Variants in GNLY observed in about 807,000 individuals in gnomAD.
GNLY encodes T-cell activation protein 519.
GNLY carries 15 observed loss-of-function variants against 18.5 expected under a neutral mutation model. The ratio of observed to expected loss-of-function variants is 0.81; its 90% CI spans 0.54 to 1.25. The LOEUF is 1.25. Ranked by LOEUF, GNLY falls within the 50% of genes most tolerant of loss-of-function variation. The pLI, the probability that GNLY is intolerant of heterozygous loss-of-function variation, is 0.00. For synonymous variants in GNLY, 77 were observed against 74.9 expected (o/e 1.03, Z -0.14); for missense variants, 178 against 186.9 (o/e 0.95, Z 0.28).
intron 3 of GNLY, 146 bp from the exon 4 acceptor site, chr2:85,697,360 T>TC (rs1326156907): frequency 1.4e-6 from 1 of 704,540 alleles, no homozygotes; most frequent in Non-Finnish European, 2.5e-6. Context: ...CTGAGCCCCG[T>TC]CTGTACAGTC....
Position 85,695,990 on chromosome 2 carries a change from C to T in GNLY, c.189C>T (p.Gly63=). ...TGTTGACCAAAACACAGGAGCTGGG[C>T]CGTGACTACAGGACCTGTCTGACGA... The part of the protein sequence containing the change: ...GDLLTKTQEL[G]RDYRTCLTIV... The change falls in exon 3 of 5, where the codon GGC becomes GGT. Residue 63 remains glycine, a synonymous_variant. Transcript: ENST00000263863. 3 of 1,611,410 alleles carry T rather than the reference C, an allele frequency of 1.9e-6. No homozygotes were observed. Among genetic ancestry groups the T allele is most frequent in the Non-Finnish European group, 2.5e-6 (3 of 1,177,622 alleles).
At position 85,695,872 on chromosome 2, in the gene GNLY, G is replaced by C. The variant is rs1678423729; in HGVS notation, c.157-86G>C. ...ATCACGGACATTCCTGCCGGCCTCAGAAACACAAAGGGCCCCTTTCCTGGG... is the reference window on the plus strand; with the variant it reads ...ATCACGGACATTCCTGCCGGCCTCACAAACACAAAGGGCCCCTTTCCTGGG... On this transcript the variant is annotated intron_variant, in intron 2 of 4. Coordinates refer to ENST00000263863, the MANE Select transcript of GNLY (RefSeq NM_006433.5). 11 of 745,736 alleles carry C rather than the reference G, an allele frequency of 1.5e-5. 1 individual carries two copies. The South Asian group carries it at 1.8e-4, about 12-fold the overall frequency. The allele number at this position is 745,736 out of a possible 1,614,324, so 46.2% of individuals were successfully genotyped here.
At chr2:85,698,370 A>G (rs1158009354) in intron 4 of GNLY, 194 bp from the exon 5 acceptor site, 1 of 853,102 alleles carries the variant, frequency 1.2e-6, no homozygotes, top group African/African-American at 1.7e-5. Context: ...ATTTCCTGTC[A>G]TTGGAGCTTG....
intron 3 of GNLY, chr2:85,697,262 G>C (rs1223439592): frequency 2.0e-6 from 1 of 498,616 alleles, no homozygotes; most frequent in African/African-American, 1.9e-5. Context: ...TGCACAAGGC[G>C]CTGAGACCCC....
chr2:85,698,609 C>T lies in GNLY; in HGVS notation c.*35C>T. ...CCTTGTCCTGTGGAAGAAGCACAGG[C>T]TCCTGTCCTCAGATCCCGGGAACCT... is the stretch of plus-strand genomic sequence containing the variant. On this transcript the variant is annotated 3_prime_UTR_variant, in exon 5 of 5. Coordinates refer to ENST00000263863, the MANE Select transcript of GNLY (RefSeq NM_006433.5). 6.2e-7 allele frequency: 1 copy of T among 1,613,692 alleles called. No individual in the cohort carries two copies. Among genetic ancestry groups the T allele is most frequent in the Non-Finnish European group, 8.5e-7 (1 of 1,179,778 alleles).
At position 85,694,448 on chromosome 2, in the gene GNLY, A is replaced by T; in HGVS notation, c.30A>T (p.Ala10=). The part of the protein sequence containing the change: MATWALLLL[A]AMLLGNPGLV... Reference sequence around the variant, plus strand: ...CTACCTGGGCCCTCCTGCTCCTTGCAGCCATGCTCCTGGGCAACCCAGGTA... The same window carrying T: ...CTACCTGGGCCCTCCTGCTCCTTGCTGCCATGCTCCTGGGCAACCCAGGTA... The change falls in exon 1 of 5, where the codon GCA becomes GCT. Residue 10 remains alanine, a synonymous_variant. Transcript: ENST00000263863. 6.8e-6 allele frequency: 11 copies of T among 1,614,066 alleles called. No homozygotes were observed. Among genetic ancestry groups the T allele is most frequent in the Non-Finnish European group, 9.3e-6 (11 of 1,179,980 alleles).
At chr2:85,697,047 G>A (rs771347611) in intron 3 of GNLY, 5 of 163,258 alleles carry the variant, frequency 3.1e-5, no homozygotes, top group African/African-American at 4.8e-5. Flanking sequence ...CTCCTCCCCT[G>A]GGATGGCATA....
chr2:85,695,497 G>A (rs914995267), intron 2 of GNLY, 74 bp downstream of exon 2: 2 of 858,076 alleles, frequency 2.3e-6, no homozygotes, highest in African/African-American at 3.3e-5. Flanking sequence ...CTGGGGTGAG[G>A]TCTGGAGCTC....
At chr2:85,694,698 G>T in intron 1 of GNLY, 2 of 1,404,312 alleles carry the variant, frequency 1.4e-6, no homozygotes, top group Non-Finnish European at 1.9e-6. Context: ...AGGGATTCTG[G>T]TCCTAACTCT....
At chr2:85,698,427 G>A in intron 4 of GNLY, 137 bp from the exon 5 acceptor site, 1 of 1,457,262 alleles carries the variant, frequency 6.9e-7, no homozygotes. Context: ...CTGCCGACTG[G>A]CTTCCAGGAT....
chr2:85,696,064 C>T lies in GNLY; in HGVS notation c.255+8C>T, dbSNP rs187039953. ...GTGGATAAGCCCACCCAGGTGAGGC[C>T]AAGGGGCTACAGAGCCTCCTGTCTG... On this transcript the variant is annotated splice_region_variant and intron_variant, in intron 3 of 4. Transcript: ENST00000263863. The T allele has an allele frequency of 2.0e-4, 293 of 1,481,770 alleles. No homozygotes were observed. In the African/African-American group the frequency reaches 3.3e-3, roughly 16 times the overall value. 91.8% of individuals were successfully genotyped at this position (1,481,770 alleles called of 1,614,324 possible). A position where few individuals can be genotyped will look rare whatever the true frequency, so the allele number is the denominator to read the frequency against.
At position 85,694,440 on chromosome 2, in the gene GNLY, C is replaced by T; in HGVS notation, c.22C>T (p.Leu8Phe). 3 of 1,614,136 alleles carry T rather than the reference C, an allele frequency of 1.9e-6. No individual in the cohort carries two copies. Among genetic ancestry groups the T allele is most frequent in the Non-Finnish European group, 2.5e-6 (3 of 1,179,994 alleles). The stretch of plus-strand genomic sequence containing the variant: ...CACCATGGCTACCTGGGCCCTCCTG[C>T]TCCTTGCAGCCATGCTCCTGGGCAA... MATWALL[L>F]LAAMLLGNPG... The change falls in exon 1 of 5, where the codon CTC becomes TTC. Residue 8 changes from leucine (L) to phenylalanine (F), a missense_variant. Coordinates refer to ENST00000263863, the MANE Select transcript of GNLY (RefSeq NM_006433.5).
chr2:85,698,544 GGCTGTTCTC>G lies in GNLY; in HGVS notation c.428-19_428-11del. On this transcript the variant is annotated splice_polypyrimidine_tract_variant and intron_variant, in intron 4 of 4. Transcript: ENST00000263863. ...GGACCCACCACATCTGCCCACAGCT[GGCTGTTCTC>G]TCCTCTCCAGGTCCCCTCTGAGCCC... 6.2e-7 allele frequency: 1 copy of G among 1,612,494 alleles called. No homozygotes were observed. The highest frequency in any genetic ancestry group is 1.1e-5 in the South Asian group (1 of 91,070).
At chr2:85,694,590 C>T in intron 1 of GNLY, 120 bp downstream of exon 1, 1 of 1,070,564 alleles carries the variant, frequency 9.3e-7, no homozygotes, top group Non-Finnish European at 1.3e-6. Context: ...CCCCGGCCTT[C>T]TCCCCCGTCA....
chr2:85,694,597 G>C (rs772556254), intron 1 of GNLY, 127 bp downstream of exon 1: 6 of 982,030 alleles, frequency 6.1e-6, no homozygotes, highest in East Asian at 5.6e-5. Context: ...CTTCTCCCCC[G>C]TCATGGAGGC....
chr2:85,694,384 CAG>C lies in GNLY; in HGVS notation c.-34_-33del. Reference sequence around the variant, plus strand: ...AGCTGCAGGCTCCCTGCCCATAAAACAGGGTGTGAAAGGCATCTCAGCGGCTG... The same window carrying C: ...AGCTGCAGGCTCCCTGCCCATAAAACGGTGTGAAAGGCATCTCAGCGGCTG... On this transcript the variant is annotated 5_prime_UTR_variant, in exon 1 of 5. Coordinates refer to ENST00000263863, the MANE Select transcript of GNLY (RefSeq NM_006433.5). The C allele has an allele frequency of 1.2e-6, 2 of 1,603,936 alleles. No individual in the cohort carries two copies. Among genetic ancestry groups the C allele is most frequent in the Non-Finnish European group, 1.7e-6 (2 of 1,170,950 alleles).
intron 3 of GNLY, 183 bp downstream of exon 3, chr2:85,696,239 G>A (rs1239494203): frequency 1.7e-6 from 1 of 592,142 alleles, no homozygotes; most frequent in Non-Finnish European, 3.0e-6. Flanking sequence ...TTGTGAAATT[G>A]TGACTCTCTG....
At chr2:85,695,737 G>T (rs2070966) in intron 2 of GNLY, among the ~76,000 whole-genome samples, 49,031 of 151,966 alleles carry the variant, frequency 0.32, 9,243 homozygotes, top group East Asian at 0.58. Context: ...AGTACTGGGG[G>T]TGTGGGAGGC....
At chr2:85,695,258 G>C in intron 1 of GNLY, 62 bp from the exon 2 acceptor site, 1 of 1,221,870 alleles carries the variant, frequency 8.2e-7, no homozygotes. Flanking sequence ...CACCAGCCAG[G>C]AGAACGGGCT....
Sources: allele counts gnomAD v4.1 joint callset (sites outside exome capture counted in the v4.1 genomes callset), GRCh38; gene constraint gnomAD v4.1.1; transcripts MANE v1.5; gene names NCBI Gene and HGNC (gene_info 2026-07-23, HGNC 2026-07-21).